NCOA7: variants seen among roughly 807,000 people sequenced by gnomAD.
The protein encoded by NCOA7 is nuclear receptor coactivator 7, also known as 140 kDa estrogen receptor-associated protein.
In NCOA7, 45 loss-of-function variants were observed where a neutral mutation model predicts 104.3. The observed-to-expected ratio is 0.43, with a 90% CI of 0.34 to 0.55. The LOEUF (loss-of-function observed/expected upper bound fraction) is 0.55. Among genes scored for constraint, NCOA7 ranks in the 20% least tolerant of loss-of-function variants. NCOA7 has a pLI of 0.02. For synonymous variants in NCOA7, 398 were observed against 402.3 expected (o/e 0.99, Z 0.13); for missense variants, 1,041 against 1,119.7 (o/e 0.93, Z 1.00).
intron 10 of NCOA7, among the ~76,000 whole-genome samples, chr6:125,898,012 A>G (rs951447647): frequency 7.2e-5 from 11 of 152,218 alleles, no homozygotes; most frequent in Admixed American, 2.6e-4. Flanking sequence ...GCATCCATAC[A>G]TACTAAGACC....
Position 125,889,802 on chromosome 6 carries a change from T to C in NCOA7, c.1748T>C (p.Val583Ala). The change falls in exon 9 of 16, where the codon GTG becomes GCG. Residue 583 changes from valine (V) to alanine (A), a missense_variant. By Grantham distance (64) the Val-to-Ala change is moderately conservative. Coordinates refer to ENST00000392477, the MANE Select transcript of NCOA7 (RefSeq NM_181782.5). The part of the protein sequence containing the change: ...EGNKEPDKTW[V>A]KKGEPLPVKL... ...AATAAAGAGCCAGATAAGACCTGGGTGAAAAAGGGAGAGCCCCTCCCGGTA... is the reference window on the plus strand; with the variant it reads ...AATAAAGAGCCAGATAAGACCTGGGCGAAAAAGGGAGAGCCCCTCCCGGTA... 2 of 1,611,982 alleles carry C rather than the reference T, an allele frequency of 1.2e-6. No individual in the cohort carries two copies. Among genetic ancestry groups the C allele is most frequent in the African/African-American group, 1.3e-5 (1 of 74,812 alleles).
chr6:125,879,772 A>G (rs1783670759), intron 5 of NCOA7, among the ~76,000 whole-genome samples: 1 of 152,178 alleles, frequency 6.6e-6, no homozygotes, highest in East Asian at 1.9e-4. Context: ...CAAGGTAGGC[A>G]GATCACTTGA....
intron 1 of NCOA7, among the ~76,000 whole-genome samples, chr6:125,792,460 G>A (rs950629691): frequency 1.3e-5 from 2 of 152,086 alleles, no homozygotes; most frequent in Non-Finnish European, 2.9e-5. Flanking sequence ...TAAAAGTCGT[G>A]TTTTAAAGAA....
chr6:125,799,884 G>C (rs2128552360), intron 1 of NCOA7, among the ~76,000 whole-genome samples: 1 of 152,296 alleles, frequency 6.6e-6, no homozygotes, highest in East Asian at 1.9e-4. Context: ...GATAACGTAT[G>C]AGTGTTCTGT....
intron 2 of NCOA7, among the ~76,000 whole-genome samples, chr6:125,828,184 A>C (rs1389764884): frequency 6.6e-6 from 1 of 152,238 alleles, no homozygotes; most frequent in Non-Finnish European, 1.5e-5. Flanking sequence ...AGGAAATTTC[A>C]ACATTTGGTG....
intron 2 of NCOA7, among the ~76,000 whole-genome samples, chr6:125,835,095 G>C (rs758943037): frequency 2.0e-5 from 3 of 152,112 alleles, no homozygotes; most frequent in Admixed American, 6.5e-5. Context: ...CTTTTCTCAG[G>C]CTAAAAGAGG....
At position 125,889,638 on chromosome 6, in the gene NCOA7, T is replaced by A; in HGVS notation, c.1584T>A (p.Thr528=). The A allele has an allele frequency of 6.2e-7, 1 of 1,613,896 alleles. No homozygotes were observed. Among genetic ancestry groups the A allele is most frequent in the Non-Finnish European group, 8.5e-7 (1 of 1,179,964 alleles). Residue 528 remains threonine, a synonymous_variant, in exon 9 of 16, where the codon ACT becomes ACA. Transcript: ENST00000392477. Reference sequence around the variant, plus strand: ...TTAAACTCATTGAATATTACCTGACTAAGAACAAAGAAGGGCCACAGGTAT... The same window carrying A: ...TTAAACTCATTGAATATTACCTGACAAAGAACAAAGAAGGGCCACAGGTAT... ...DKVKLIEYYL[T]KNKEGPQVSE...
chr6:125,876,758 CAT>C (rs1783412216), intron 4 of NCOA7, among the ~76,000 whole-genome samples: 1 of 152,100 alleles, frequency 6.6e-6, no homozygotes, highest in Non-Finnish European at 1.5e-5. Context: ...AAAGGTAACT[CAT>C]ATAATTTTGT....
At chr6:125,869,799 C>G (rs967507291) in intron 3 of NCOA7, among the ~76,000 whole-genome samples, 19 of 152,220 alleles carry the variant, frequency 1.2e-4, no homozygotes, top group Non-Finnish European at 1.6e-4. Context: ...TAGCCCACTT[C>G]CAAGAGAGAG....
intron 2 of NCOA7, among the ~76,000 whole-genome samples, chr6:125,843,775 A>T (rs1471372769): frequency 6.6e-6 from 1 of 152,130 alleles, no homozygotes; most frequent in Non-Finnish European, 1.5e-5. Flanking sequence ...CTGCACCATC[A>T]ATTTCTCCAA....
intron 10 of NCOA7, among the ~76,000 whole-genome samples, chr6:125,909,413 A>G (rs1428780853): frequency 1.3e-5 from 2 of 152,202 alleles, no homozygotes; most frequent in Non-Finnish European, 2.9e-5. Flanking sequence ...AAAGGAAGCA[A>G]TGCCCTCTAG....
intron 2 of NCOA7, among the ~76,000 whole-genome samples, chr6:125,816,136 C>T (rs1162074446): frequency 6.6e-6 from 1 of 152,132 alleles, no homozygotes; most frequent in Non-Finnish European, 1.5e-5. Flanking sequence ...CTCATTCCAT[C>T]CCCAGTCCCC....
chr6:125,807,947 C>G (rs538604041), intron 1 of NCOA7, among the ~76,000 whole-genome samples: 106 of 152,292 alleles, frequency 7.0e-4, no homozygotes, highest in African/African-American at 2.1e-3. Flanking sequence ...CCACATTTCT[C>G]CATCTTATCC....
rs2128619864 is a variant in NCOA7, at chr6:125,855,096, G to C, written c.127G>C (p.Glu43Gln). 6.2e-7 allele frequency: 1 copy of C among 1,613,376 alleles called. No homozygotes were observed. Among genetic ancestry groups the C allele is most frequent in the East Asian group, 2.2e-5 (1 of 44,846 alleles). ...AVATRTHTGK[E>Q]DNNTVVLEPD... ...AGCTACAAGGACTCATACTGGGAAG[G>C]AAGATAATAATACAGTAGTTTTAGA... The change falls in exon 3 of 16, where the codon GAA (glutamate) becomes CAA (glutamine). Residue 43 changes from glutamate (E) to glutamine (Q), a missense_variant. Physicochemically the swap from Glu to Gln is conservative, Grantham distance 29. Coordinates refer to ENST00000392477, the MANE Select transcript of NCOA7 (RefSeq NM_181782.5).
chr6:125,828,563 G>A (rs941741923), intron 2 of NCOA7, among the ~76,000 whole-genome samples: 8 of 152,304 alleles, frequency 5.3e-5, no homozygotes, highest in Admixed American at 4.6e-4. Context: ...AGATGGAAGA[G>A]GAAGAGGAGG....
intron 5 of NCOA7, among the ~76,000 whole-genome samples, chr6:125,880,458 C>T (rs1783729246): frequency 6.6e-6 from 1 of 151,750 alleles, no homozygotes; most frequent in South Asian, 2.1e-4. Flanking sequence ...CTTCACTTGG[C>T]CTGCCCAGAA....
chr6:125,883,165 C>T (rs1783983901), intron 7 of NCOA7, among the ~76,000 whole-genome samples: 6 of 151,932 alleles, frequency 3.9e-5, no homozygotes, highest in Admixed American at 3.3e-4. Flanking sequence ...TTTGTTTTCA[C>T]TAAGAACAAA....
At chr6:125,834,054 G>T (rs1779408601) in intron 2 of NCOA7, among the ~76,000 whole-genome samples, 1 of 150,384 alleles carries the variant, frequency 6.6e-6, no homozygotes, top group Non-Finnish European at 1.5e-5. Context: ...TTGGTCGGTA[G>T]GATTATTAAG....
chr6:125,878,183 T>C (rs1783534427), intron 4 of NCOA7, 80 bp from the exon 5 acceptor site: 1 of 708,016 alleles, frequency 1.4e-6, no homozygotes, highest in Non-Finnish European at 2.2e-6. Flanking sequence ...TTTATTCATA[T>C]TGCAGATAAA....
Sources: allele counts gnomAD v4.1 joint callset (sites outside exome capture counted in the v4.1 genomes callset), GRCh38; gene constraint gnomAD v4.1.1; transcripts MANE v1.5; gene names NCBI Gene and HGNC (gene_info 2026-07-23, HGNC 2026-07-21).